HIVEP3: variants seen among roughly 807,000 people sequenced by gnomAD.
HIVEP3 encodes transcription factor HIVEP3.
In HIVEP3, 49 loss-of-function variants were observed where a neutral mutation model predicts 152.8. The observed-to-expected ratio is 0.32, with a 90% CI of 0.26 to 0.41. HIVEP3 has a LOEUF of 0.41. Among genes scored for constraint, HIVEP3 ranks in the 10% least tolerant of loss-of-function variants. The pLI, the probability that HIVEP3 is intolerant of heterozygous loss-of-function variation, is 1.00. For missense variants in HIVEP3, 2,790 were observed against 3,103.3 expected (o/e 0.90, Z 2.40); for synonymous variants, 1,269 against 1,289.0 (o/e 0.98, Z 0.33).
Position 41,510,355 on chromosome 1 carries a change from A to C in HIVEP3, c.*96T>G. The C allele has an allele frequency of 9.0e-7, 1 of 1,116,194 alleles. No homozygotes were observed. The highest frequency in any genetic ancestry group is 3.0e-5 in the East Asian group (1 of 33,382). The allele number at this position is 1,116,194 out of a possible 1,614,324, so 69.1% of individuals were successfully genotyped here. ...CGTGAGAGCTCCTGGACGGAGGGAC[A>C]GATGGGGCTGAGGAAGTGGGATGAT... On this transcript the variant is annotated 3_prime_UTR_variant, in exon 9 of 9. Coordinates refer to ENST00000372583, the MANE Select transcript of HIVEP3 (RefSeq NM_024503.5).
chr1:41,864,271 A>G (rs1439278882), intron 1 of HIVEP3, among the ~76,000 whole-genome samples: 1 of 152,210 alleles, frequency 6.6e-6, no homozygotes, highest in Non-Finnish European at 1.5e-5. Flanking sequence ...GGGTGTGCGT[A>G]GCAAGCAGAG....
At chr1:41,744,752 T>A (rs578111912) in intron 1 of HIVEP3, among the ~76,000 whole-genome samples, 16 of 152,178 alleles carry the variant, frequency 1.1e-4, no homozygotes, top group African/African-American at 3.9e-4. Context: ...TTCCAACACA[T>A]ACATATCTAA....
intron 3 of HIVEP3, among the ~76,000 whole-genome samples, chr1:41,598,377 T>C (rs180714126): frequency 6.6e-6 from 1 of 152,328 alleles, no homozygotes; most frequent in African/African-American, 2.4e-5. Flanking sequence ...TTGTGTCTAC[T>C]ATGGAGAGCA....
At chr1:41,956,229 T>C (rs1235641701) in intron 1 of HIVEP3, among the ~76,000 whole-genome samples, 1 of 152,234 alleles carries the variant, frequency 6.6e-6, no homozygotes, top group Admixed American at 6.5e-5. Context: ...ATATTTTGCA[T>C]CTGTTGAGGC....
At chr1:41,876,801 T>C (rs1223745245) in intron 1 of HIVEP3, among the ~76,000 whole-genome samples, 4 of 152,252 alleles carry the variant, frequency 2.6e-5, no homozygotes, top group African/African-American at 9.6e-5. Context: ...CCATTTAGGA[T>C]AGAAATGTTT....
chr1:41,799,159 C>T lies in HIVEP3; in HGVS notation c.-800-98164G>A, dbSNP rs139592687. On this transcript the variant is annotated intron_variant, in intron 1 of 8. Transcript: ENST00000372583. The stretch of plus-strand genomic sequence containing the variant: ...GTCATGAAATCTTTTATTCAAAGAA[C>T]ATCTGTTAATGCCTCTCAGGCCACT... Among the ~76,000 whole-genome samples the T allele has an allele frequency of 2.6e-3, 402 of 152,236 alleles. 3 individuals carry two copies. The highest frequency in any genetic ancestry group is 0.014 in the Middle Eastern group (4 of 294).
At chr1:41,616,252 T>C (rs983766285) in intron 3 of HIVEP3, among the ~76,000 whole-genome samples, 1 of 152,204 alleles carries the variant, frequency 6.6e-6, no homozygotes, top group East Asian at 1.9e-4. Context: ...AGTGGAACCA[T>C]GTGGGCTCCA....
At chr1:41,637,923 G>GGCCAGAT (rs1645302345) in intron 2 of HIVEP3, among the ~76,000 whole-genome samples, 1 of 152,038 alleles carries the variant, frequency 6.6e-6, no homozygotes, top group African/African-American at 2.4e-5. Context: ...ACAGTTAAGA[G>GGCCAGAT]GCCAATATCT....
In HIVEP3 at chr1:41,771,609, G is replaced by C. The variant is rs1423315655; in HGVS notation, c.-800-70614C>G. 2.0e-5 allele frequency among the ~76,000 whole-genome samples: 3 copies of C among 152,158 alleles called. No homozygotes were observed. In the East Asian group the frequency reaches 5.8e-4, roughly 29 times the overall value. ...TGGAAGGGGTAAGGAAGCAGGAGGA[G>C]TTGGATTTGACTGTTGCTCTCAGGA... On this transcript the variant is annotated intron_variant, in intron 1 of 8. Transcript: ENST00000372583.
At chr1:41,762,067 T>C (rs1051289170) in intron 1 of HIVEP3, among the ~76,000 whole-genome samples, 1 of 152,212 alleles carries the variant, frequency 6.6e-6, no homozygotes, top group Non-Finnish European at 1.5e-5. Context: ...TACACTGTCA[T>C]GCTCACCTTT....
At chr1:41,736,505 G>C (rs1452933921) in intron 1 of HIVEP3, among the ~76,000 whole-genome samples, 1 of 152,178 alleles carries the variant, frequency 6.6e-6, no homozygotes, top group Admixed American at 6.5e-5. Context: ...GCCTCCCCAG[G>C]TAACCTAAGC....
chr1:41,710,170 C>T (rs1646491613), intron 1 of HIVEP3, among the ~76,000 whole-genome samples: 1 of 152,166 alleles, frequency 6.6e-6, no homozygotes, highest in Non-Finnish European at 1.5e-5. Context: ...CCTCCTGCCA[C>T]ATTTCTCATC....
chr1:41,535,268 C>T (rs1464542486), intron 5 of HIVEP3, among the ~76,000 whole-genome samples: 1 of 152,224 alleles, frequency 6.6e-6, no homozygotes, highest in African/African-American at 2.4e-5. Flanking sequence ...CCGCCCAGCC[C>T]TTCCAGCCAG....
intron 2 of HIVEP3, among the ~76,000 whole-genome samples, chr1:41,687,213 T>C (rs2124101480): frequency 6.6e-6 from 1 of 152,304 alleles, no homozygotes; most frequent in Admixed American, 6.5e-5. Context: ...CCAGAGGATA[T>C]GGGGGCAAGA....
intron 1 of HIVEP3, among the ~76,000 whole-genome samples, chr1:41,739,793 T>G (rs1254032382): frequency 6.6e-6 from 1 of 152,276 alleles, no homozygotes; most frequent in Non-Finnish European, 1.5e-5. Context: ...AGAGACCATG[T>G]GACTTGTTTA....
intron 2 of HIVEP3, among the ~76,000 whole-genome samples, chr1:41,639,300 G>T (rs971725677): frequency 6.6e-6 from 1 of 152,142 alleles, no homozygotes. Flanking sequence ...AGAATTACTG[G>T]CATGCCTCAT....
chr1:41,880,511 C>A (rs1644244684), intron 1 of HIVEP3, among the ~76,000 whole-genome samples: 1 of 152,186 alleles, frequency 6.6e-6, no homozygotes, highest in Admixed American at 6.5e-5. Context: ...CTAGATACAC[C>A]ACGTTTGTAC....
intron 2 of HIVEP3, among the ~76,000 whole-genome samples, chr1:41,691,320 G>A (rs1253356612): frequency 6.6e-6 from 1 of 152,108 alleles, no homozygotes; most frequent in Non-Finnish European, 1.5e-5. Context: ...AGCATTATCA[G>A]TATAAAGAAG....
chr1:41,540,071 T>G (rs1412483186), intron 5 of HIVEP3, among the ~76,000 whole-genome samples: 2 of 152,032 alleles, frequency 1.3e-5, no homozygotes, highest in African/African-American at 4.8e-5. Context: ...AAAGGAAAGG[T>G]GTACTGTCAG....
Sources: allele counts gnomAD v4.1 joint callset (sites outside exome capture counted in the v4.1 genomes callset), GRCh38; gene constraint gnomAD v4.1.1; transcripts MANE v1.5; gene names NCBI Gene and HGNC (gene_info 2026-07-23, HGNC 2026-07-21).